The following CADM2 variants were observed in gnomAD, a reference collection of about 807,000 sequenced individuals.
CADM2 encodes immunoglobulin superfamily member 4D.
CADM2 carries 12 observed loss-of-function variants against 49.8 expected under a neutral mutation model. The observed-to-expected ratio is 0.24, with a 90% CI of 0.15 to 0.39. The LOEUF (loss-of-function observed/expected upper bound fraction) is 0.39. Ranked by LOEUF, CADM2 falls within the 10% of genes least tolerant of loss-of-function variation. The pLI is 1.00. For missense variants in CADM2, 378 were observed against 492.3 expected, an observed-to-expected ratio of 0.77 and a Z score of 2.20; for synonymous variants, 214 against 175.4, an observed-to-expected ratio of 1.22 and a Z score of -1.74.
chr3:85,963,739 A>G (rs1725133371), intron 8 of CADM2, among the ~76,000 whole-genome samples: 1 of 151,924 alleles, frequency 6.6e-6, no homozygotes, highest in Non-Finnish European at 1.5e-5. Context: ...AAGCTAGCCA[A>G]CAGCATGATT....
chr3:85,960,159 ATCT>A (rs1295980466), intron 7 of CADM2, among the ~76,000 whole-genome samples: 1 of 151,842 alleles, frequency 6.6e-6, no homozygotes, highest in East Asian at 1.9e-4. Flanking sequence ...AACACTGCCA[ATCT>A]TCTTGTTTTG....
chr3:85,834,574 A>C (rs1450803761), intron 3 of CADM2, among the ~76,000 whole-genome samples: 1 of 151,662 alleles, frequency 6.6e-6, no homozygotes, highest in Non-Finnish European at 1.5e-5. Flanking sequence ...TTTTTTGAGA[A>C]ATAATGATAT....
chr3:85,739,914 T>C (rs993065281), intron 2 of CADM2, among the ~76,000 whole-genome samples: 3 of 152,186 alleles, frequency 2.0e-5, no homozygotes, highest in African/African-American at 7.2e-5. Flanking sequence ...AATTACTTTT[T>C]TTCCAGCTAT....
intron 3 of CADM2, among the ~76,000 whole-genome samples, chr3:85,870,789 T>C (rs1164063337): frequency 5.3e-5 from 8 of 152,326 alleles, no homozygotes; most frequent in East Asian, 1.9e-4. Flanking sequence ...CTGGGTTGAA[T>C]GATAGTTCTG....
At position 85,447,531 on chromosome 3, in the gene CADM2, G is replaced by A. The variant is rs75554362; in HGVS notation, c.62-278991G>A. 4.5e-3 allele frequency among the ~76,000 whole-genome samples: 682 copies of A among 152,220 alleles called. 4 individuals carry two copies. The highest frequency in any genetic ancestry group is 0.015 in the African/African-American group (609 of 41,538). On this transcript the variant is annotated intron_variant, in intron 1 of 9. Coordinates refer to ENST00000383699, the MANE Select transcript of CADM2 (RefSeq NM_001167675.2). The stretch of plus-strand genomic sequence containing the variant: ...TGTAGTCTACAGGAAGAATGATAAA[G>A]CAATGGTTACCCTTCACTTCATTAA...
chr3:85,064,819 G>A (rs1195542174), intron 1 of CADM2, among the ~76,000 whole-genome samples: 1 of 152,080 alleles, frequency 6.6e-6, no homozygotes, highest in Non-Finnish European at 1.5e-5. Context: ...TAGCAAGGGG[G>A]ACGACAAGTT....
rs57832569 is a variant in CADM2 at position 85,564,943 on chromosome 3, A to G, written c.62-161579A>G. Among the ~76,000 whole-genome samples, 48 of 152,242 alleles carry G rather than the reference A, an allele frequency of 3.2e-4. 1 individual carries two copies. In the East Asian group the frequency reaches 8.7e-3, roughly 28 times the overall value. The stretch of plus-strand genomic sequence containing the variant: ...TTATAAAAACTTCAGCATTTTATAA[A>G]GACACAAGGTATATAGCTCGAAGCT... On this transcript the variant is annotated intron_variant, in intron 1 of 9. Transcript: ENST00000383699.
intron 1 of CADM2, among the ~76,000 whole-genome samples, chr3:85,151,460 C>A (rs530720404): frequency 2.0e-5 from 3 of 151,840 alleles, no homozygotes; most frequent in Non-Finnish European, 2.9e-5. Context: ...TTATTTCAGT[C>A]CAGAATAGAA....
chr3:85,854,761 C>G (rs1398792973), intron 3 of CADM2, among the ~76,000 whole-genome samples: 1 of 151,892 alleles, frequency 6.6e-6, no homozygotes, highest in African/African-American at 2.4e-5. Context: ...CATATGTATC[C>G]CAGAACTTAA....
intron 2 of CADM2, among the ~76,000 whole-genome samples, chr3:85,798,717 T>C (rs1400082129): frequency 6.6e-6 from 1 of 152,216 alleles, no homozygotes; most frequent in Non-Finnish European, 1.5e-5. Context: ...CCTCCAGCTT[T>C]GTTCTTTTTG....
chr3:85,725,141 T>A (rs984307297), intron 1 of CADM2, among the ~76,000 whole-genome samples: 3 of 151,940 alleles, frequency 2.0e-5, no homozygotes, highest in African/African-American at 7.2e-5. Context: ...AAAATAACTT[T>A]GTTTTTAGTT....
At chr3:85,706,400 C>G (rs1219006138) in intron 1 of CADM2, among the ~76,000 whole-genome samples, 2 of 152,160 alleles carry the variant, frequency 1.3e-5, no homozygotes, top group Non-Finnish European at 2.9e-5. Context: ...TACATCTGCC[C>G]TTGTCGATGT....
chr3:85,471,687 CATTTTATTTT>C (rs56816947), intron 1 of CADM2, among the ~76,000 whole-genome samples: 39 of 143,402 alleles, frequency 2.7e-4, no homozygotes, highest in South Asian at 1.6e-3. Context: ...ATATTTTTAG[CATTTTATTTT>C]ATTTTATTTT....
At chr3:84,971,961 G>C (rs1488749192) in intron 1 of CADM2, among the ~76,000 whole-genome samples, 1 of 152,066 alleles carries the variant, frequency 6.6e-6, no homozygotes, top group East Asian at 1.9e-4. Flanking sequence ...GTGGTAGTGA[G>C]ATTGGTCTGG....
At chr3:85,982,600 A>G (rs1191327829) in intron 8 of CADM2, among the ~76,000 whole-genome samples, 1 of 151,766 alleles carries the variant, frequency 6.6e-6, no homozygotes, top group Non-Finnish European at 1.5e-5. Flanking sequence ...TGCATCATTA[A>G]TATTCTAGTT....
At chr3:85,561,151 T>C (rs2062085465) in intron 1 of CADM2, among the ~76,000 whole-genome samples, 1 of 152,200 alleles carries the variant, frequency 6.6e-6, no homozygotes, top group Non-Finnish European at 1.5e-5. Flanking sequence ...CACTCAATAT[T>C]ATGTTTTTTA....
intron 1 of CADM2, among the ~76,000 whole-genome samples, chr3:85,420,630 A>G (rs2036128404): frequency 6.6e-6 from 1 of 152,216 alleles, no homozygotes; most frequent in African/African-American, 2.4e-5. Context: ...TCAAACCAAG[A>G]CAAAGTATTA....
intron 8 of CADM2, among the ~76,000 whole-genome samples, chr3:85,984,870 G>C (rs569003489): frequency 2.6e-5 from 4 of 151,884 alleles, no homozygotes; most frequent in South Asian, 2.1e-4. Context: ...TACATTATTT[G>C]TCTGGTAATC....
chr3:85,664,335 A>G (rs761707151), intron 1 of CADM2, among the ~76,000 whole-genome samples: 2 of 152,034 alleles, frequency 1.3e-5, no homozygotes, highest in African/African-American at 2.4e-5. Context: ...ATTTTCAAGT[A>G]ATCATGTTCA....
Sources: allele counts gnomAD v4.1 joint callset (sites outside exome capture counted in the v4.1 genomes callset), GRCh38; gene constraint gnomAD v4.1.1; transcripts MANE v1.5; gene names NCBI Gene and HGNC (gene_info 2026-07-23, HGNC 2026-07-21).